The following CSGALNACT1 variants were observed in gnomAD, a reference collection of about 807,000 sequenced individuals.
CSGALNACT1 encodes beta4GalNAcT-1.
CSGALNACT1 carries 52 observed loss-of-function variants against 51.0 expected under a neutral mutation model. The observed-to-expected ratio is 1.02, with a 90% CI of 0.82 to 1.29. The LOEUF (loss-of-function observed/expected upper bound fraction) is 1.29. Among genes scored for constraint, CSGALNACT1 ranks in the 50% most tolerant of loss-of-function variants. The pLI, the probability that CSGALNACT1 is intolerant of heterozygous loss-of-function variation, is 0.00. For missense variants in CSGALNACT1, 935 were observed against 679.2 expected, an observed-to-expected ratio of 1.38 and a Z score of -4.19; for synonymous variants, 341 against 254.4, an observed-to-expected ratio of 1.34 and a Z score of -3.24.
At chr8:19,590,792 G>T (rs2047654471) in intron 3 of CSGALNACT1, among the ~76,000 whole-genome samples, 1 of 151,726 alleles carries the variant, frequency 6.6e-6, no homozygotes, top group Non-Finnish European at 1.5e-5. Context: ...TGGGATTACA[G>T]GTGTCCACCA....
At chr8:19,746,473 C>T (rs183142202) in intron 1 of CSGALNACT1, among the ~76,000 whole-genome samples, 3 of 152,322 alleles carry the variant, frequency 2.0e-5, no homozygotes, top group Admixed American at 2.0e-4. Flanking sequence ...TTCTCAACAA[C>T]ATCATTCATT....
At chr8:19,654,510 T>G (rs1438470691) in intron 1 of CSGALNACT1, among the ~76,000 whole-genome samples, 1 of 152,196 alleles carries the variant, frequency 6.6e-6, no homozygotes, top group Non-Finnish European at 1.5e-5. Flanking sequence ...TCCCCATGTT[T>G]AAAATGAGGA....
chr8:19,494,615 C>T (rs950259513), intron 4 of CSGALNACT1, among the ~76,000 whole-genome samples: 92 of 152,280 alleles, frequency 6.0e-4, no homozygotes, highest in African/African-American at 2.0e-3. Flanking sequence ...TTAACAATCT[C>T]GAAGCACAAA....
chr8:19,634,331 T>G (rs933972943), intron 1 of CSGALNACT1, among the ~76,000 whole-genome samples: 1 of 152,018 alleles, frequency 6.6e-6, no homozygotes, highest in South Asian at 2.1e-4. Flanking sequence ...TGAGATCATG[T>G]GGTGGGATGT....
At chr8:19,574,341 C>T (rs1462442419) in intron 3 of CSGALNACT1, among the ~76,000 whole-genome samples, 1 of 152,206 alleles carries the variant, frequency 6.6e-6, no homozygotes, top group Admixed American at 6.5e-5. Flanking sequence ...TGCCAATGGT[C>T]TCTTGCAACA....
chr8:19,594,996 C>A (rs1184140110), intron 2 of CSGALNACT1, among the ~76,000 whole-genome samples: 1 of 152,192 alleles, frequency 6.6e-6, no homozygotes, highest in East Asian at 1.9e-4. Flanking sequence ...GCCCTGTCTG[C>A]AAGTTTTTAT....
chr8:19,521,464 C>T (rs1480799240), intron 3 of CSGALNACT1, among the ~76,000 whole-genome samples: 1 of 152,182 alleles, frequency 6.6e-6, no homozygotes, highest in East Asian at 1.9e-4. Flanking sequence ...GGGTACATCA[C>T]TTGAGGTCAG....
intron 4 of CSGALNACT1, among the ~76,000 whole-genome samples, chr8:19,489,897 T>A (rs935778802): frequency 2.0e-5 from 3 of 152,184 alleles, no homozygotes; most frequent in Non-Finnish European, 2.9e-5. Flanking sequence ...TTTACACACA[T>A]TTTCTAGCCC....
chr8:19,727,164 C>G (rs1224936958), intron 1 of CSGALNACT1, among the ~76,000 whole-genome samples: 1 of 152,024 alleles, frequency 6.6e-6, no homozygotes, highest in Admixed American at 6.5e-5. Flanking sequence ...AGATGTGATT[C>G]CCCAAAAGGA....
chr8:19,530,790 G>A (rs968717258), intron 3 of CSGALNACT1, among the ~76,000 whole-genome samples: 1 of 152,190 alleles, frequency 6.6e-6, no homozygotes, highest in Non-Finnish European at 1.5e-5. Context: ...CTATTTACCT[G>A]AAGTCACAGA....
Position 19,649,619 on chromosome 8 carries a change from G to A in CSGALNACT1, c.-544+32854C>T, listed in dbSNP as rs193237134. 3.6e-4 allele frequency among the ~76,000 whole-genome samples: 54 copies of A among 151,586 alleles called. 1 individual carries two copies. Among genetic ancestry groups the A allele is most frequent in the African/African-American group, 1.1e-3 (45 of 41,302 alleles). ...AATTCTATACAGAATTCACAGTTAC[G>A]AATACATGCAATTTCCAAAATAATC... On this transcript the variant is annotated intron_variant, in intron 1 of 9. Transcript: ENST00000332246.
At chr8:19,588,854 C>T (rs2047211930) in intron 3 of CSGALNACT1, among the ~76,000 whole-genome samples, 2 of 152,168 alleles carry the variant, frequency 1.3e-5, no homozygotes, top group South Asian at 2.1e-4. Context: ...CTTTTTACGT[C>T]TCTGAGTCTC....
At chr8:19,406,443 C>T (rs184000634) in intron 9 of CSGALNACT1, among the ~76,000 whole-genome samples, 292 of 151,884 alleles carry the variant, frequency 1.9e-3, no homozygotes, top group Non-Finnish European at 2.9e-3. Flanking sequence ...TATGAATTAG[C>T]TATTGTTAAC....
chr8:19,407,894 G>A (rs1232352738), intron 9 of CSGALNACT1, among the ~76,000 whole-genome samples: 1 of 149,644 alleles, frequency 6.7e-6, no homozygotes, highest in East Asian at 1.9e-4. Context: ...GTGGACATTT[G>A]TGTATATGAA....
intron 3 of CSGALNACT1, among the ~76,000 whole-genome samples, chr8:19,578,513 TG>T (rs2044798894): frequency 6.6e-6 from 1 of 152,182 alleles, no homozygotes; most frequent in South Asian, 2.1e-4. Context: ...TGACTGTATT[TG>T]GGGGTAGCTT....
chr8:19,694,251 A>G (rs2061474511), intron 1 of CSGALNACT1, among the ~76,000 whole-genome samples: 1 of 152,188 alleles, frequency 6.6e-6, no homozygotes, highest in South Asian at 2.1e-4. Flanking sequence ...AAGAGAGAAC[A>G]CAGTGTTCCA....
intron 1 of CSGALNACT1, among the ~76,000 whole-genome samples, chr8:19,709,941 G>A (rs1370418658): frequency 6.6e-6 from 1 of 152,180 alleles, no homozygotes; most frequent in Non-Finnish European, 1.5e-5. Flanking sequence ...CAGACCAGAT[G>A]CAAAGTCAAA....
chr8:19,578,231 C>T (rs2044729427), intron 3 of CSGALNACT1, among the ~76,000 whole-genome samples: 1 of 152,186 alleles, frequency 6.6e-6, no homozygotes, highest in South Asian at 2.1e-4. Context: ...ATATTTATCA[C>T]CATTTCTAGC....
intron 3 of CSGALNACT1, among the ~76,000 whole-genome samples, chr8:19,521,419 A>G (rs2080673391): frequency 6.6e-6 from 1 of 152,354 alleles, no homozygotes; most frequent in East Asian, 1.9e-4. Context: ...ACGGTGACTT[A>G]CGTCTGTAAT....
Sources: gnomAD v4.1 joint callset for allele counts (sites outside exome capture counted in the v4.1 genomes callset) on GRCh38, gnomAD v4.1.1 for gene constraint, MANE v1.5 for transcripts, NCBI Gene and HGNC (gene_info 2026-07-23, HGNC 2026-07-21) for gene names.